Variants in MSRB3 observed in about 807,000 individuals in gnomAD.
The protein encoded by MSRB3 is methionine-R-sulfoxide reductase B3.
A neutral mutation model predicts 21.0 loss-of-function variants in MSRB3; 13 were observed. The ratio of observed to expected loss-of-function variants is 0.62; its 90% CI spans 0.40 to 0.98. The LOEUF (loss-of-function observed/expected upper bound fraction) is 0.98. Ranked by LOEUF, MSRB3 falls within the 50% of genes least tolerant of loss-of-function variation. The pLI, the probability that MSRB3 is intolerant of heterozygous loss-of-function variation, is 0.00. For synonymous variants in MSRB3, 87 were observed against 88.6 expected (o/e 0.98, Z 0.10); for missense variants, 199 against 230.3 (o/e 0.86, Z 0.88).
At chr12:65,350,155 A>C (rs1035050662) in intron 4 of MSRB3, among the ~76,000 whole-genome samples, 8 of 151,784 alleles carry the variant, frequency 5.3e-5, no homozygotes, top group African/African-American at 1.9e-4. Context: ...AGCACCATTT[A>C]TTAAATAGGG....
At chr12:65,352,287 TA>T (rs1877063347) in intron 4 of MSRB3, among the ~76,000 whole-genome samples, 2 of 152,150 alleles carry the variant, frequency 1.3e-5, no homozygotes, top group African/African-American at 4.8e-5. Flanking sequence ...AAACTCTCAG[TA>T]AATTAGGTAT....
At chr12:65,389,739 G>A (rs1167893687) in intron 5 of MSRB3, among the ~76,000 whole-genome samples, 1 of 152,108 alleles carries the variant, frequency 6.6e-6, no homozygotes, top group East Asian at 1.9e-4. Context: ...CTGGGTCCTG[G>A]ATTTGTTTTC....
Position 65,465,007 on chromosome 12 carries a change from G to A in MSRB3, c.*1685G>A, listed in dbSNP as rs541289188. ...ATATTGCTATACAGTTGAGATCAGT[G>A]TTGTAAAATTAAACTGATCTGGTTC... On this transcript the variant is annotated 3_prime_UTR_variant, in exon 7 of 7. Transcript: ENST00000308259. The A allele has an allele frequency of 1.3e-5, 2 of 152,242 alleles. No individual in the cohort carries two copies. Among genetic ancestry groups the A allele is most frequent in the African/African-American group, 2.4e-5 (1 of 41,456 alleles). 9.4% of individuals were successfully genotyped at this position (152,242 alleles called of 1,614,324 possible).
chr12:65,402,995 A>G (rs1880214736), intron 5 of MSRB3, among the ~76,000 whole-genome samples: 1 of 152,118 alleles, frequency 6.6e-6, no homozygotes, highest in African/African-American at 2.4e-5. Context: ...CCAGAGGGGC[A>G]CTCGCCAGAT....
intron 4 of MSRB3, among the ~76,000 whole-genome samples, chr12:65,332,908 T>G (rs765251654): frequency 6.6e-6 from 1 of 152,274 alleles, no homozygotes; most frequent in Admixed American, 6.5e-5. Context: ...ATAAACCTAA[T>G]GTATAATTTA....
At chr12:65,335,106 C>A (rs190034146) in intron 4 of MSRB3, among the ~76,000 whole-genome samples, 22 of 152,258 alleles carry the variant, frequency 1.4e-4, no homozygotes, top group Non-Finnish European at 2.8e-4. Flanking sequence ...ATCTCAGATT[C>A]ATCACCTGTA....
intron 4 of MSRB3, among the ~76,000 whole-genome samples, chr12:65,351,110 A>G (rs920029319): frequency 1.3e-5 from 2 of 152,152 alleles, no homozygotes; most frequent in African/African-American, 4.8e-5. Context: ...ATAACAAACT[A>G]TCTCTCAGAC....
chr12:65,341,291 A>G (rs1204452799), intron 4 of MSRB3, among the ~76,000 whole-genome samples: 2 of 152,118 alleles, frequency 1.3e-5, no homozygotes, highest in African/African-American at 4.8e-5. Flanking sequence ...GTGAAGTAAA[A>G]TAAGCCAGAC....
chr12:65,439,601 A>C (rs1157538149), intron 5 of MSRB3, among the ~76,000 whole-genome samples: 4 of 151,686 alleles, frequency 2.6e-5, no homozygotes, highest in Non-Finnish European at 5.9e-5. Flanking sequence ...AATCCAATGA[A>C]ACTAGAGATA....
intron 5 of MSRB3, among the ~76,000 whole-genome samples, chr12:65,393,770 A>C (rs1879622909): frequency 6.6e-6 from 1 of 152,156 alleles, no homozygotes; most frequent in South Asian, 2.1e-4. Flanking sequence ...TACATATAAT[A>C]CAAATATTAT....
chr12:65,398,659 G>A (rs932695918), intron 5 of MSRB3, among the ~76,000 whole-genome samples: 25 of 152,252 alleles, frequency 1.6e-4, no homozygotes, highest in African/African-American at 5.5e-4. Flanking sequence ...TGCTTTTGGT[G>A]TTTTAGTCAT....
chr12:65,434,900 C>T (rs1565890677), intron 5 of MSRB3, among the ~76,000 whole-genome samples: 1 of 151,792 alleles, frequency 6.6e-6, no homozygotes, highest in Admixed American at 6.6e-5. Context: ...TTTCATTGCT[C>T]ATGCATAGTA....
At chr12:65,411,655 G>A (rs746616408) in intron 5 of MSRB3, among the ~76,000 whole-genome samples, 4 of 151,622 alleles carry the variant, frequency 2.6e-5, no homozygotes, top group Non-Finnish European at 5.9e-5. Context: ...ATTGGTTATT[G>A]ATGAAATAGA....
intron 4 of MSRB3, among the ~76,000 whole-genome samples, chr12:65,341,544 TAAA>T (rs3080854): frequency 6.7e-6 from 1 of 148,408 alleles, no homozygotes. Context: ...AATTGTACAT[TAAA>T]AAAAAAAAAC....
chr12:65,375,865 G>A (rs1439286088), intron 5 of MSRB3, among the ~76,000 whole-genome samples: 2 of 148,058 alleles, frequency 1.4e-5, no homozygotes, highest in Non-Finnish European at 3.0e-5. Context: ...CAGTTTTATT[G>A]TTTGGTAGTC....
chr12:65,418,968 C>T, intron 5 of MSRB3: 1 of 707,280 alleles, frequency 1.4e-6, no homozygotes. Flanking sequence ...GGGTCTGTGT[C>T]AACTCCAACT....
intron 5 of MSRB3, among the ~76,000 whole-genome samples, chr12:65,375,013 C>CT (rs34940463): frequency 0.41 from 56,978 of 140,092 alleles, 11,869 homozygotes; most frequent in East Asian, 0.61. Flanking sequence ...CCACGCCTGG[C>CT]TTTTTTTTTT....
chr12:65,288,033 G>C (rs1872474801), intron 1 of MSRB3, among the ~76,000 whole-genome samples: 1 of 152,032 alleles, frequency 6.6e-6, no homozygotes, highest in African/African-American at 2.4e-5. Context: ...GGCTGGGCAT[G>C]GTGGCTCTTG....
chr12:65,335,167 G>T (rs183669223), intron 4 of MSRB3, among the ~76,000 whole-genome samples: 6 of 152,260 alleles, frequency 3.9e-5, no homozygotes, highest in Admixed American at 3.9e-4. Context: ...GCAGAAAAAT[G>T]CCTCGAATAT....
Sources: gnomAD v4.1 joint callset for allele counts (sites outside exome capture counted in the v4.1 genomes callset) on GRCh38, gnomAD v4.1.1 for gene constraint, MANE v1.5 for transcripts, NCBI Gene and HGNC (gene_info 2026-07-23, HGNC 2026-07-21) for gene names.